Variants in ARMC2 observed in about 807,000 individuals in gnomAD.
The protein encoded by ARMC2 is armadillo repeat-containing protein 2.
ARMC2 carries 67 observed loss-of-function variants against 90.3 expected under a neutral mutation model. The ratio of observed to expected loss-of-function variants is 0.74; its 90% confidence interval spans 0.61 to 0.91. The LOEUF is 0.91. Among genes scored for constraint, ARMC2 ranks in the 40% least tolerant of loss-of-function variants. The pLI, the probability that ARMC2 is intolerant of heterozygous loss-of-function variation, is 0.00. For missense variants in ARMC2, 920 were observed against 1,030.9 expected (o/e 0.89, Z 1.47); for synonymous variants, 393 against 393.0 (o/e 1.00, Z 0.00).
At chr6:108,868,512 C>T (rs146490936) in intron 3 of ARMC2, among the ~76,000 whole-genome samples, 12 of 152,274 alleles carry the variant, frequency 7.9e-5, no homozygotes, top group African/African-American at 2.2e-4. Context: ...CCACTGCGCC[C>T]GGCCAATTTT....
At chr6:109,024,458 C>G in the ARMC2 span, among the ~76,000 whole-genome samples, 1 of 152,284 alleles carries the variant, frequency 6.6e-6, no homozygotes, top group South Asian at 2.1e-4. Context: ...TTAAAAAGCC[C>G]TGACAGCACC....
rs539189108 is a variant in ARMC2, at chr6:108,974,237, C to T, written c.*723C>T. On this transcript the variant is annotated 3_prime_UTR_variant, in exon 18 of 18. Coordinates refer to ENST00000392644, the MANE Select transcript of ARMC2 (RefSeq NM_032131.6). ...ACCTGAATCTGAATCCATGCTCTCC[C>T]CTGCTAGCTTTGTGGGCCTGGAGCA... 2.0e-5 allele frequency: 3 copies of T among 152,290 alleles called. No homozygotes were observed. In the South Asian group the frequency reaches 6.2e-4, roughly 32 times the overall value. The allele number at this position is 152,290 out of a possible 1,614,324, so 9.4% of individuals were successfully genotyped here.
rs370788025 is a variant in ARMC2, at chr6:108,876,188, C to T, written c.509C>T (p.Ser170Phe). 2 of 1,612,618 alleles carry T rather than the reference C, an allele frequency of 1.2e-6. No individual in the cohort carries two copies. The highest frequency in any genetic ancestry group is 2.7e-5 in the African/African-American group (2 of 74,856). The change falls in exon 5 of 18, where the codon TCT becomes TTT. Residue 170 changes from serine (S) to phenylalanine (F), a missense_variant. Physicochemically the swap from Ser to Phe is radical, Grantham distance 155. Coordinates refer to ENST00000392644, the MANE Select transcript of ARMC2 (RefSeq NM_032131.6). ...ESKETVMMGD[S>F]MVKINGIYLT... ...AAAGAAACAGTTATGATGGGGGACT[C>T]TATGGTGAAAATAAATGGGATTTAT...
chr6:109,020,159 T>A, the ARMC2 span, among the ~76,000 whole-genome samples: 2 of 152,324 alleles, frequency 1.3e-5, no homozygotes, highest in African/African-American at 4.8e-5. Context: ...CTGCTCCAGA[T>A]ACCGGTGAGG....
At chr6:109,038,669 G>A in the ARMC2 span, among the ~76,000 whole-genome samples, 2 of 152,336 alleles carry the variant, frequency 1.3e-5, no homozygotes, top group African/African-American at 4.8e-5. Flanking sequence ...ATGTGGGACA[G>A]AATTGCCTAT....
At chr6:109,005,835 T>G in the ARMC2 span, among the ~76,000 whole-genome samples, 7 of 152,220 alleles carry the variant, frequency 4.6e-5, no homozygotes, top group Non-Finnish European at 1.0e-4. Context: ...TTTTACAAAT[T>G]ATACAAACGT....
the ARMC2 span, among the ~76,000 whole-genome samples, chr6:109,023,702 A>T: frequency 6.6e-6 from 1 of 152,226 alleles, no homozygotes; most frequent in Non-Finnish European, 1.5e-5. Flanking sequence ...GGCTTTGCAC[A>T]TAGAATACTA....
intron 2 of ARMC2, chr6:108,856,391 C>T (rs1236876858): frequency 5.6e-6 from 1 of 178,970 alleles, no homozygotes; most frequent in Non-Finnish European, 1.2e-5. Flanking sequence ...ACATCCTTGG[C>T]TTGAGACTTT....
chr6:108,937,978 G>A (rs1776099065), intron 12 of ARMC2, among the ~76,000 whole-genome samples: 1 of 152,128 alleles, frequency 6.6e-6, no homozygotes, highest in South Asian at 2.1e-4. Flanking sequence ...GGGATTATAG[G>A]CGTGAGCCAC....
At chr6:108,954,551 A>G (rs1777425176) in intron 13 of ARMC2, among the ~76,000 whole-genome samples, 1 of 152,192 alleles carries the variant, frequency 6.6e-6, no homozygotes. Flanking sequence ...TGAACTCAGG[A>G]GACGGAGGGC....
chr6:108,883,457 G>T (rs1202646232), intron 5 of ARMC2, among the ~76,000 whole-genome samples: 1 of 152,170 alleles, frequency 6.6e-6, no homozygotes, highest in Non-Finnish European at 1.5e-5. Context: ...TCTGCTTATG[G>T]AACAGAAACC....
rs755526180 is a variant in ARMC2, at chr6:108,854,501, C to T, written c.218+16C>T. 2 of 1,598,506 alleles carry T rather than the reference C, an allele frequency of 1.3e-6. No individual in the cohort carries two copies. Among genetic ancestry groups the T allele is most frequent in the Middle Eastern group, 1.7e-4 (1 of 6,028 alleles). On this transcript the variant is annotated intron_variant, in intron 2 of 17. Coordinates refer to ENST00000392644, the MANE Select transcript of ARMC2 (RefSeq NM_032131.6). ...CCTCCTTCAGGTATATGGCATTTCA[C>T]ATTCATGTTCATTCAGATATTTAAG...
intron 1 of ARMC2, among the ~76,000 whole-genome samples, chr6:108,853,339 TG>T (rs1328532814): frequency 6.6e-6 from 1 of 152,330 alleles, no homozygotes; most frequent in Admixed American, 6.5e-5. Context: ...CTTATAGAAA[TG>T]GAATCTTTTT....
chr6:108,893,728 A>G (rs1190657855), intron 5 of ARMC2, among the ~76,000 whole-genome samples: 1 of 152,264 alleles, frequency 6.6e-6, no homozygotes, highest in Non-Finnish European at 1.5e-5. Flanking sequence ...TTAAAGCAGC[A>G]TATAGAGGCC....
chr6:108,860,736 C>A (rs898937521), intron 3 of ARMC2, among the ~76,000 whole-genome samples: 2 of 151,432 alleles, frequency 1.3e-5, no homozygotes, highest in Admixed American at 1.3e-4. Flanking sequence ...TCTACCCACA[C>A]CTGTAGTTAG....
At chr6:109,049,290 C>A in the ARMC2 span, among the ~76,000 whole-genome samples, 2 of 151,602 alleles carry the variant, frequency 1.3e-5, no homozygotes, top group East Asian at 3.9e-4. Flanking sequence ...AGTTAAACAT[C>A]GTATGTTCTC....
At chr6:108,919,364 T>C (rs1032368856) in intron 10 of ARMC2, among the ~76,000 whole-genome samples, 1 of 152,170 alleles carries the variant, frequency 6.6e-6, no homozygotes, top group Admixed American at 6.5e-5. Flanking sequence ...ACCCCACCTA[T>C]TGGAAGCCTA....
At chr6:108,902,718 G>A (rs1772274860) in intron 7 of ARMC2, among the ~76,000 whole-genome samples, 1 of 152,026 alleles carries the variant, frequency 6.6e-6, no homozygotes, top group Non-Finnish European at 1.5e-5. Context: ...TCCTCTATGT[G>A]GGCTTCTAAG....
chr6:108,913,377 G>T (rs911467075), intron 10 of ARMC2, among the ~76,000 whole-genome samples: 1 of 152,134 alleles, frequency 6.6e-6, no homozygotes, highest in Non-Finnish European at 1.5e-5. Context: ...AAATATTTAG[G>T]ATGATTATTA....
Sources: allele counts gnomAD v4.1 joint callset (sites outside exome capture counted in the v4.1 genomes callset), GRCh38; gene constraint gnomAD v4.1.1; transcripts MANE v1.5; gene names NCBI Gene and HGNC (gene_info 2026-07-23, HGNC 2026-07-21).